Variants in PEBP4 observed in about 807,000 individuals in gnomAD.
The protein encoded by PEBP4 is phosphatidylethanolamine-binding protein 4.
Under a neutral mutation model 23.9 loss-of-function variants are expected in PEBP4, and 22 were observed. That is an observed-to-expected ratio of 0.92 (90% confidence interval 0.66 to 1.31). PEBP4 has a LOEUF of 1.31. Among genes scored for constraint, PEBP4 ranks in the 40% most tolerant of loss-of-function variants. The pLI, the probability that PEBP4 is intolerant of heterozygous loss-of-function variation, is 0.00. For synonymous variants in PEBP4, 112 were observed against 99.3 expected, an observed-to-expected ratio of 1.13 and a Z score of -0.76; for missense variants, 324 against 281.7, an observed-to-expected ratio of 1.15 and a Z score of -1.07.
chr8:22,723,971 G>A (rs1804572309), intron 6 of PEBP4, among the ~76,000 whole-genome samples: 10 of 152,222 alleles, frequency 6.6e-5, no homozygotes, highest in Admixed American at 3.9e-4. Context: ...GAGAGGAAAT[G>A]GCTGACGACA....
intron 4 of PEBP4, among the ~76,000 whole-genome samples, chr8:22,797,672 C>T (rs533819130): frequency 2.2e-4 from 33 of 152,194 alleles, no homozygotes; most frequent in Non-Finnish European, 4.1e-4. Context: ...GCTGGTAGAC[C>T]CCGTAGGGTC....
chr8:22,739,706 G>C (rs573352503), intron 4 of PEBP4, among the ~76,000 whole-genome samples: 1 of 152,112 alleles, frequency 6.6e-6, no homozygotes, highest in African/African-American at 2.4e-5. Context: ...CAGTCTCCCC[G>C]AGCTCCGGCC....
chr8:22,888,301 G>T (rs1041322645), intron 3 of PEBP4, among the ~76,000 whole-genome samples: 13 of 151,932 alleles, frequency 8.6e-5, no homozygotes, highest in East Asian at 1.9e-4. Context: ...TTACAGGCTC[G>T]TGCCACCAAG....
intron 3 of PEBP4, among the ~76,000 whole-genome samples, chr8:22,878,403 G>A (rs1358797159): frequency 1.3e-5 from 2 of 152,158 alleles, no homozygotes; most frequent in Non-Finnish European, 2.9e-5. Context: ...CTCAGTGGGA[G>A]GGCTCTGAGA....
intron 4 of PEBP4, among the ~76,000 whole-genome samples, chr8:22,749,773 A>T (rs1805208004): frequency 7.0e-6 from 1 of 141,922 alleles, no homozygotes. Flanking sequence ...GTGGATCTAC[A>T]ACCCACCTCT....
chr8:22,857,241 T>TACACACACACACACACACAC (rs35324307), intron 3 of PEBP4, among the ~76,000 whole-genome samples: 35 of 148,120 alleles, frequency 2.4e-4, no homozygotes, highest in African/African-American at 8.2e-4. Flanking sequence ...AAATGAAACC[T>TACACACACACACACACACAC]ACACACACAC....
rs1398328967 is a variant in PEBP4 at position 22,912,798 on chromosome 8, G to C, written c.258+7386C>G. ...GACCTGGCTGGGGACCTGGGCTAGA[G>C]TGGGACACAGCTGAGTGATGTTAGC... On this transcript the variant is annotated intron_variant, in intron 3 of 6. Coordinates refer to ENST00000256404, the MANE Select transcript of PEBP4 (RefSeq NM_144962.3). Among the ~76,000 whole-genome samples the C allele has an allele frequency of 2.0e-5, 3 of 152,244 alleles. No individual in the cohort carries two copies. The East Asian group carries it at 5.8e-4, about 29-fold the overall frequency.
intron 6 of PEBP4, among the ~76,000 whole-genome samples, chr8:22,721,375 T>G (rs1433401545): frequency 6.6e-6 from 1 of 152,102 alleles, no homozygotes; most frequent in African/African-American, 2.4e-5. Flanking sequence ...TGACCACATG[T>G]ACATTGTCCT....
intron 3 of PEBP4, among the ~76,000 whole-genome samples, chr8:22,917,121 G>A (rs535323350): frequency 7.3e-6 from 1 of 136,428 alleles, no homozygotes; most frequent in East Asian, 2.2e-4. Context: ...TTTGCTGGGG[G>A]CGGGGGAGGG....
At chr8:22,927,299 C>G (rs927036693) in intron 2 of PEBP4, among the ~76,000 whole-genome samples, 1 of 152,124 alleles carries the variant, frequency 6.6e-6, no homozygotes, top group South Asian at 2.1e-4. Context: ...CTCCTGCCCC[C>G]ACAAAGACCC....
intron 6 of PEBP4, among the ~76,000 whole-genome samples, chr8:22,714,267 A>G (rs7001568): frequency 0.18 from 27,302 of 152,154 alleles, 2,767 homozygotes; most frequent in East Asian, 0.3. Context: ...GTGGCAGGGC[A>G]AGAAGGGCAC....
intron 1 of PEBP4, among the ~76,000 whole-genome samples, chr8:22,939,633 G>T (rs373856719): frequency 6.6e-6 from 1 of 151,624 alleles, no homozygotes; most frequent in East Asian, 1.9e-4. Flanking sequence ...AGAGATGTTC[G>T]CTTTCCTTCT....
intron 3 of PEBP4, among the ~76,000 whole-genome samples, chr8:22,818,877 G>T (rs1327367742): frequency 2.0e-5 from 3 of 152,150 alleles, no homozygotes; most frequent in African/African-American, 7.2e-5. Flanking sequence ...CGGCAGTAAG[G>T]AGGGGGATGG....
At chr8:22,870,412 C>T (rs1807984851) in intron 3 of PEBP4, among the ~76,000 whole-genome samples, 1 of 152,148 alleles carries the variant, frequency 6.6e-6, no homozygotes, top group African/African-American at 2.4e-5. Flanking sequence ...AAAATATCAG[C>T]AGTCGCCAGG....
At chr8:22,821,392 G>C (rs1806853799) in intron 3 of PEBP4, among the ~76,000 whole-genome samples, 1 of 152,176 alleles carries the variant, frequency 6.6e-6, no homozygotes, top group Admixed American at 6.5e-5. Context: ...GAGGTGACCG[G>C]GTAGGGCAGA....
chr8:22,902,786 C>G (rs543320505), intron 3 of PEBP4, among the ~76,000 whole-genome samples: 1 of 152,300 alleles, frequency 6.6e-6, no homozygotes, highest in African/African-American at 2.4e-5. Flanking sequence ...CAAAAAAGAT[C>G]AAGGGAGTTT....
Position 22,745,112 on chromosome 8 carries a change from A to G in PEBP4, c.358-17892T>C, listed in dbSNP as rs1422234953. On this transcript the variant is annotated intron_variant, in intron 4 of 6. Transcript: ENST00000256404. ...GGAATATTTTTTTCCCTTTGCTGGA[A>G]TTTCTCTGGAGACTTCGGACTTGCT... Among the ~76,000 whole-genome samples the G allele has an allele frequency of 2.0e-5, 3 of 152,158 alleles. No homozygotes were observed. In the East Asian group the frequency reaches 5.8e-4, roughly 29 times the overall value.
Position 22,889,015 on chromosome 8 carries a change from A to G in PEBP4, c.258+31169T>C, listed in dbSNP as rs1243859812. 6.6e-5 allele frequency among the ~76,000 whole-genome samples: 10 copies of G among 152,238 alleles called. No homozygotes were observed. The East Asian group carries it at 1.3e-3, about 20-fold the overall frequency. ...ATTTAACCACTGAGAAGTACCTCTC[A>G]TAGTTTATTCAAAAGTATGTTTGTT... On this transcript the variant is annotated intron_variant, in intron 3 of 6. Coordinates refer to ENST00000256404, the MANE Select transcript of PEBP4 (RefSeq NM_144962.3).
chr8:22,814,479 G>A lies in PEBP4; in HGVS notation c.357+3158C>T, dbSNP rs112699706. On this transcript the variant is annotated intron_variant, in intron 4 of 6. Transcript: ENST00000256404. ...GCCCCTCTTTGGAGTGGAGGTGGGG[G>A]GTGCCACAGATATTTCTTGTATTCC... is the stretch of plus-strand genomic sequence containing the variant. Among the ~76,000 whole-genome samples, 1,233 of 152,270 alleles carry A rather than the reference G, an allele frequency of 8.1e-3. 16 individuals are homozygous for A. The highest frequency in any genetic ancestry group is 0.028 in the African/African-American group (1,163 of 41,530).
Sources: gnomAD v4.1 joint callset for allele counts (sites outside exome capture counted in the v4.1 genomes callset) on GRCh38, gnomAD v4.1.1 for gene constraint, MANE v1.5 for transcripts, NCBI Gene and HGNC (gene_info 2026-07-23, HGNC 2026-07-21) for gene names.